Variants in PHACTR1 observed in about 807,000 individuals in gnomAD.
PHACTR1 encodes RPEL repeat containing 1.
Under a neutral mutation model 69.2 loss-of-function variants are expected in PHACTR1, and 16 were observed. The ratio of observed to expected loss-of-function variants is 0.23; its 90% CI spans 0.16 to 0.35. The LOEUF (loss-of-function observed/expected upper bound fraction) is 0.35, where lower values mean the gene tolerates loss of function less well. PHACTR1 is among the 10% of genes least tolerant of loss of function. The probability of loss-of-function intolerance (pLI) is 1.00; values close to 1 mark genes in which losing one functional copy is unlikely to be tolerated. For missense variants in PHACTR1, 510 were observed against 734.7 expected (o/e 0.69, Z 3.54); for synonymous variants, 312 against 284.5 (o/e 1.10, Z -0.97).
chr6:13,206,306 A>G (rs1765916047), intron 8 of PHACTR1, among the ~76,000 whole-genome samples, 170 bp downstream of exon 8: 1 of 152,228 alleles, frequency 6.6e-6, no homozygotes, highest in African/African-American at 2.4e-5. Context: ...ATGGAAAAAA[A>G]AAATGTTGCC....
intron 4 of PHACTR1, among the ~76,000 whole-genome samples, chr6:12,957,088 A>C (rs1582689239): frequency 3.3e-5 from 1 of 30,134 alleles, no homozygotes; most frequent in African/African-American, 1.4e-4. Flanking sequence ...GGTGGGGTGG[A>C]TGATGCTGGG....
rs569007759 is a variant in PHACTR1, at chr6:13,110,928, G to GT, written c.416-49268dup. Among the ~76,000 whole-genome samples, 23 of 150,972 alleles carry GT rather than the reference G, an allele frequency of 1.5e-4. No homozygotes were observed. The South Asian group carries it at 3.1e-3, about 21-fold the overall frequency. ...CCTGGGTTTTTGTTTTTTGTTTTTT[G>GT]TTTTTTTTCCTTTTCCCTCTCTCTT... On this transcript the variant is annotated intron_variant, in intron 5 of 14. Coordinates refer to ENST00000332995, the MANE Select transcript of PHACTR1 (RefSeq NM_030948.6).
chr6:13,064,401 G>T (rs969786380), intron 5 of PHACTR1, among the ~76,000 whole-genome samples: 2 of 151,192 alleles, frequency 1.3e-5, no homozygotes, highest in African/African-American at 4.9e-5. Flanking sequence ...GAGAAGAAAA[G>T]ACACACACAC....
intron 4 of PHACTR1, among the ~76,000 whole-genome samples, chr6:12,772,395 C>A (rs934834834): frequency 6.6e-6 from 1 of 152,144 alleles, no homozygotes; most frequent in African/African-American, 2.4e-5. Context: ...ATACATGTTT[C>A]ATAAGGGGAG....
At chr6:13,027,591 A>C (rs1441406152) in intron 4 of PHACTR1, among the ~76,000 whole-genome samples, 1 of 152,176 alleles carries the variant, frequency 6.6e-6, no homozygotes. Context: ...CTATGGTTCA[A>C]TGTTGAGGTT....
chr6:12,968,372 A>AT (rs1582751731), intron 4 of PHACTR1, among the ~76,000 whole-genome samples: 1 of 151,948 alleles, frequency 6.6e-6, no homozygotes. Context: ...AGTTTCTTTA[A>AT]TTTTTTTTCA....
chr6:12,871,335 C>T (rs1782002145), intron 4 of PHACTR1, among the ~76,000 whole-genome samples: 1 of 152,116 alleles, frequency 6.6e-6, no homozygotes, highest in South Asian at 2.1e-4. Context: ...TCCCTGTGTC[C>T]AAATGTTCTA....
chr6:12,827,746 A>G (rs1385659377), intron 4 of PHACTR1, among the ~76,000 whole-genome samples: 2 of 152,212 alleles, frequency 1.3e-5, no homozygotes, highest in African/African-American at 4.8e-5. Context: ...CTTTTCCTGA[A>G]AAGACTGGCC....
At chr6:13,081,937 C>G (rs975481653) in intron 5 of PHACTR1, among the ~76,000 whole-genome samples, 4 of 152,188 alleles carry the variant, frequency 2.6e-5, no homozygotes, top group African/African-American at 9.6e-5. Context: ...AGTGGTGTCT[C>G]TTTCATCATT....
intron 3 of PHACTR1, among the ~76,000 whole-genome samples, chr6:12,729,128 C>T (rs1416550617): frequency 6.6e-6 from 1 of 152,220 alleles, no homozygotes; most frequent in African/African-American, 2.4e-5. Context: ...CCCATCACTT[C>T]TTTTCTCTGA....
intron 4 of PHACTR1, among the ~76,000 whole-genome samples, chr6:12,954,475 CCTGCCA>C (rs1169586139): frequency 6.6e-6 from 1 of 151,672 alleles, no homozygotes; most frequent in African/African-American, 2.4e-5. Context: ...TGGCTGAGGC[CCTGCCA>C]CTTGAGAAAA....
At chr6:13,026,580 TC>T (rs1288030915) in intron 4 of PHACTR1, among the ~76,000 whole-genome samples, 1 of 152,168 alleles carries the variant, frequency 6.6e-6, no homozygotes, top group Non-Finnish European at 1.5e-5. Flanking sequence ...GACGGATTTC[TC>T]TTTTCTTCCC....
At chr6:12,836,115 C>T (rs758609328) in intron 4 of PHACTR1, among the ~76,000 whole-genome samples, 5 of 152,108 alleles carry the variant, frequency 3.3e-5, no homozygotes, top group Non-Finnish European at 5.9e-5. Context: ...TTTGTTTCAG[C>T]TTGAATTGCT....
In PHACTR1 at chr6:12,845,447, C is replaced by T. The variant is rs974242802; in HGVS notation, c.250+95657C>T. ...ACCACCCACCCCCCCCCCCCCCGCC[C>T]TCCGTGCTGGGCAGTCTTTCTGCTG... is the stretch of plus-strand genomic sequence containing the variant. On this transcript the variant is annotated intron_variant, in intron 4 of 14. Coordinates refer to ENST00000332995, the MANE Select transcript of PHACTR1 (RefSeq NM_030948.6). Among the ~76,000 whole-genome samples the T allele has an allele frequency of 1.6e-4, 19 of 120,058 alleles. 1 individual carries two copies. Among genetic ancestry groups the T allele is most frequent in the Non-Finnish European group, 2.8e-4 (16 of 56,956 alleles). 78.8% of individuals were successfully genotyped at this position (120,058 alleles called of 152,430 possible).
At chr6:13,175,608 C>G (rs1761216401) in intron 6 of PHACTR1, among the ~76,000 whole-genome samples, 1 of 152,232 alleles carries the variant, frequency 6.6e-6, no homozygotes, top group Non-Finnish European at 1.5e-5. Flanking sequence ...AGCATGGTTT[C>G]TAACACCATT....
chr6:13,286,219 C>A lies in PHACTR1; in HGVS notation c.1724C>A (p.Thr575Lys). 6.3e-7 allele frequency: 1 copy of A among 1,593,480 alleles called. No homozygotes were observed. Among genetic ancestry groups the A allele is most frequent in the East Asian group, 2.2e-5 (1 of 44,644 alleles). Residue 575 changes from threonine (T) to lysine (K), a missense_variant, in exon 14 of 15, where the codon ACA becomes AAA. Thr to Lys is a moderately conservative substitution (Grantham distance 78). Around this residue, in one of 2 missense-constraint regions of PHACTR1, gnomAD observed 91 missense variants for 203.8 expected, o/e 0.45. Transcript: ENST00000332995. ...MEVHELSRHLTRFHRP is the reference protein window; with the variant it reads ...MEVHELSRHLKRFHRP ...GTTCATGAATTGAGTAGACACTTAA[C>A]AAGGTTAGTATTAAGGGTTTTTTTT...
chr6:13,267,276 T>G (rs1202896363), intron 10 of PHACTR1: 1 of 152,270 alleles, frequency 6.6e-6, no homozygotes, highest in East Asian at 1.9e-4. Flanking sequence ...GGGTTTACAT[T>G]TGAATGTAAC....
rs893345734 is a variant in PHACTR1, at chr6:12,792,357, G to A, written c.250+42567G>A. Among the ~76,000 whole-genome samples the A allele has an allele frequency of 4.0e-5, 6 of 150,114 alleles. No homozygotes were observed. The South Asian group carries it at 6.4e-4, about 16-fold the overall frequency. On this transcript the variant is annotated intron_variant, in intron 4 of 14. Coordinates refer to ENST00000332995, the MANE Select transcript of PHACTR1 (RefSeq NM_030948.6). The stretch of plus-strand genomic sequence containing the variant: ...TACATGCCTGTAATCCCAGCTACTT[G>A]GGAGGCTGAGACAGGAGAATCACTT...
chr6:13,069,453 A>T (rs1432148551), intron 5 of PHACTR1, among the ~76,000 whole-genome samples: 1 of 152,010 alleles, frequency 6.6e-6, no homozygotes, highest in African/African-American at 2.4e-5. Context: ...CAGGCCCTCT[A>T]GACCTGCATG....
Sources: gnomAD v4.1 joint callset for allele counts (sites outside exome capture counted in the v4.1 genomes callset) on GRCh38, gnomAD v4.1.1 for gene constraint, gnomAD v4.1.1 regional missense constraint, MANE v1.5 for transcripts, NCBI Gene and HGNC (gene_info 2026-07-23, HGNC 2026-07-21) for gene names.